The following DPYS variants were observed in gnomAD, a reference collection of about 807,000 sequenced individuals.
DPYS encodes dihydropyrimidinase.
Under a neutral mutation model 50.3 loss-of-function variants are expected in DPYS, and 39 were observed. The observed-to-expected ratio is 0.78, with a 90% CI of 0.60 to 1.01. The LOEUF (loss-of-function observed/expected upper bound fraction) is 1.01, where lower values mean the gene tolerates loss of function less well. Among genes scored for constraint, DPYS ranks in the 50% least tolerant of loss-of-function variants. The pLI, the probability that DPYS is intolerant of heterozygous loss-of-function variation, is 0.00. For missense variants in DPYS, 659 were observed against 680.9 expected, an observed-to-expected ratio of 0.97 and a Z score of 0.36; for synonymous variants, 245 against 250.7, an observed-to-expected ratio of 0.98 and a Z score of 0.22.
chr8:104,387,587 T>C (rs561391818), intron 8 of DPYS, among the ~76,000 whole-genome samples: 26 of 152,264 alleles, frequency 1.7e-4, no homozygotes, highest in African/African-American at 6.3e-4. Context: ...GCTTTGGAGG[T>C]AGACAAACCT....
At chr8:104,418,397 C>T (rs879811478) in intron 7 of DPYS, among the ~76,000 whole-genome samples, 7 of 151,494 alleles carry the variant, frequency 4.6e-5, no homozygotes, top group Non-Finnish European at 8.8e-5. Flanking sequence ...AAATCAGGCA[C>T]GTAAAATTTA....
intron 4 of DPYS, among the ~76,000 whole-genome samples, chr8:104,432,249 T>G (rs1236888188): frequency 3.3e-5 from 5 of 152,234 alleles, no homozygotes; most frequent in African/African-American, 1.2e-4. Context: ...CCCTTTATGA[T>G]GCAATCTCCC....
chr8:104,446,607 C>A (rs541428918), intron 3 of DPYS, among the ~76,000 whole-genome samples: 2 of 152,216 alleles, frequency 1.3e-5, no homozygotes, highest in African/African-American at 4.8e-5. Flanking sequence ...CCAATTTAAA[C>A]CCTGGTCTGT....
intron 1 of DPYS, among the ~76,000 whole-genome samples, chr8:104,463,899 G>C (rs1814257109): frequency 6.6e-6 from 1 of 152,096 alleles, no homozygotes; most frequent in Non-Finnish European, 1.5e-5. Context: ...ATACTGTAAT[G>C]TTTATGTTTA....
At chr8:104,423,875 A>C (rs1812633479) in intron 7 of DPYS, 8 of 708,194 alleles carry the variant, frequency 1.1e-5, no homozygotes, top group African/African-American at 1.9e-5. Context: ...AGCTTTAAAA[A>C]GGCTGTAATT....
At position 104,466,801 on chromosome 8, in the gene DPYS, C is replaced by G; in HGVS notation, c.120G>C (p.Leu40=). The G allele has an allele frequency of 6.5e-7, 1 of 1,534,298 alleles. No homozygotes were observed. The highest frequency in any genetic ancestry group is 8.7e-7 in the Non-Finnish European group (1 of 1,145,800). Residue 40 remains leucine, a synonymous_variant, in exon 1 of 10, where the codon CTG becomes CTC. Transcript: ENST00000351513. ...GVVRALGHDL[L]PPGGAPAGLR... Reference sequence around the variant, plus strand: ...GCCCCGCAGGAGCGCCCCCGGGAGGCAGCAGGTCGTGCCCGAGTGCCCGCA... The same window carrying G: ...GCCCCGCAGGAGCGCCCCCGGGAGGGAGCAGGTCGTGCCCGAGTGCCCGCA...
At chr8:104,416,188 C>A (rs144373405) in intron 7 of DPYS, among the ~76,000 whole-genome samples, 7 of 152,194 alleles carry the variant, frequency 4.6e-5, no homozygotes, top group African/African-American at 7.2e-5. Flanking sequence ...ACTGCTCCCC[C>A]CCAATAGCCC....
At chr8:104,394,505 C>T (rs976507142) in intron 7 of DPYS, among the ~76,000 whole-genome samples, 25 of 152,022 alleles carry the variant, frequency 1.6e-4, no homozygotes, top group African/African-American at 3.6e-4. Context: ...ATAAACCCCC[C>T]GCTTCTCCTC....
chr8:104,427,662 G>A (rs537284295), intron 6 of DPYS, among the ~76,000 whole-genome samples: 101 of 152,150 alleles, frequency 6.6e-4, no homozygotes, highest in African/African-American at 2.4e-3. Context: ...AAATCAAGCA[G>A]AAGGGCTATG....
Position 104,466,719 on chromosome 8 carries a change from T to G in DPYS, c.202A>C (p.Thr68Pro). The G allele has an allele frequency of 6.5e-7, 1 of 1,534,684 alleles. No homozygotes were observed. The highest frequency in any genetic ancestry group is 8.7e-7 in the Non-Finnish European group (1 of 1,144,610). ...LVLPGGIDTH[T>P]HMQFPFMGSR... ...CCCATGAAGGGGAACTGCATGTGCG[T>G]GTGTGTGTCGATGCCTCCGGGCAGG... The change falls in exon 1 of 10, where the codon ACG becomes CCG. Residue 68 changes from threonine to proline, a missense_variant. By Grantham distance (38) the Thr-to-Pro change is conservative. Coordinates refer to ENST00000351513, the MANE Select transcript of DPYS (RefSeq NM_001385.3).
At chr8:104,382,069 T>C (rs1005694184) in intron 8 of DPYS, among the ~76,000 whole-genome samples, 2 of 152,198 alleles carry the variant, frequency 1.3e-5, no homozygotes, top group Non-Finnish European at 2.9e-5. Context: ...TCCTCATCCA[T>C]GAAATGGGGG....
chr8:104,402,936 G>T lies in DPYS; in HGVS notation c.1236-9945C>A, dbSNP rs373849467. On this transcript the variant is annotated intron_variant, in intron 7 of 9. Transcript: ENST00000351513. ...GCTAATTAGGCATAAAGGAGGTAAA[G>T]AAATAGCCAATCATCTATCGCCTGA... Among the ~76,000 whole-genome samples the T allele has an allele frequency of 2.0e-5, 3 of 152,304 alleles. No homozygotes were observed. The South Asian group carries it at 6.2e-4, about 32-fold the overall frequency.
chr8:104,424,172 C>G (rs1482338468), intron 7 of DPYS, 75 bp downstream of exon 7: 1 of 1,611,052 alleles, frequency 6.2e-7, no homozygotes, highest in African/African-American at 1.3e-5. Context: ...CTGATTAATG[C>G]CAAAGCATTA....
At chr8:104,424,074 A>G (rs1472844405) in intron 7 of DPYS, 173 bp downstream of exon 7, 1 of 981,936 alleles carries the variant, frequency 1.0e-6, no homozygotes, top group Non-Finnish European at 1.2e-6. Context: ...AAGAAAAACA[A>G]AGGAATATTT....
intron 8 of DPYS, 121 bp from the exon 9 acceptor site, chr8:104,381,435 C>T: frequency 3.4e-6 from 3 of 891,408 alleles, no homozygotes; most frequent in Admixed American, 3.8e-5. Flanking sequence ...TATCACGTGC[C>T]TCCCCATCCC....
intron 1 of DPYS, among the ~76,000 whole-genome samples, chr8:104,451,788 A>G (rs909634464): frequency 6.6e-6 from 1 of 152,204 alleles, no homozygotes; most frequent in Non-Finnish European, 1.5e-5. Flanking sequence ...CATCCTGATG[A>G]ACTGTATCTC....
chr8:104,401,424 A>G (rs940544641), intron 7 of DPYS, among the ~76,000 whole-genome samples: 2 of 152,060 alleles, frequency 1.3e-5, no homozygotes, highest in African/African-American at 4.8e-5. Context: ...AGATATAAAT[A>G]TGACATATGA....
intron 4 of DPYS, among the ~76,000 whole-genome samples, chr8:104,431,285 A>G (rs889398533): frequency 6.6e-6 from 1 of 152,088 alleles, no homozygotes; most frequent in Admixed American, 6.6e-5. Flanking sequence ...AAGTGTCAGC[A>G]TCTACCGGGA....
At chr8:104,381,119 T>C (rs1484633198) in intron 9 of DPYS, 65 bp downstream of exon 9, 4 of 1,342,612 alleles carry the variant, frequency 3.0e-6, no homozygotes, top group Non-Finnish European at 4.3e-6. Flanking sequence ...TCAACCCTTA[T>C]GAGGAGAGAT....
Sources: gnomAD v4.1 joint callset for allele counts (sites outside exome capture counted in the v4.1 genomes callset) on GRCh38, gnomAD v4.1.1 for gene constraint, MANE v1.5 for transcripts, NCBI Gene and HGNC (gene_info 2026-07-23, HGNC 2026-07-21) for gene names.